The following PHF13 variants were observed in gnomAD, a reference collection of about 807,000 sequenced individuals.
PHF13 encodes PHD finger protein 13.
Under a neutral mutation model 25.8 loss-of-function variants are expected in PHF13, and 1 was observed. The observed-to-expected ratio is 0.04, with a 90% CI of 0.01 to 0.18. The LOEUF (loss-of-function observed/expected upper bound fraction) is 0.18. Ranked by LOEUF, PHF13 falls within the 10% of genes least tolerant of loss-of-function variation. PHF13 has a pLI of 1.00. For synonymous variants in PHF13, 195 were observed against 162.4 expected, an observed-to-expected ratio of 1.20 and a Z score of -1.53; for missense variants, 306 against 403.2, an observed-to-expected ratio of 0.76 and a Z score of 2.06.
In PHF13 at chr1:6,613,754, C is replaced by G. The variant is rs1382064443; in HGVS notation, c.-313C>G. ...CCGCCCTCCCTCCCGAGACACGAGC[C>G]GAACTGGGCGTCAGGTCGGGGAGCC... On this transcript the variant is annotated 5_prime_UTR_variant, in exon 1 of 4. Coordinates refer to ENST00000377648, the MANE Select transcript of PHF13 (RefSeq NM_153812.3). The G allele has an allele frequency of 3.6e-5, 9 of 249,342 alleles. No individual in the cohort carries two copies. In the South Asian group the frequency reaches 4.6e-4, roughly 13 times the overall value. 15.4% of individuals were successfully genotyped at this position (249,342 alleles called of 1,614,324 possible).
rs749801150 is a variant in PHF13, at chr1:6,621,535, T to C, written c.801T>C (p.Asn267=). 2 of 1,614,164 alleles carry C rather than the reference T, an allele frequency of 1.2e-6. No homozygotes were observed. Among genetic ancestry groups the C allele is most frequent in the Admixed American group, 1.7e-5 (1 of 60,030 alleles). The change falls in exon 4 of 4, where the codon AAT becomes AAC. Residue 267 remains asparagine (N), a synonymous_variant. Transcript: ENST00000377648. This position sits in a 1 kb window ranked among gnomAD's most constrained non-coding sequence, Gnocchi z 4.8. ...HLSCAKIRKS[N]VPEVFVCQKC... ...CCTGTGCGAAAATCCGGAAATCCAA[T>C]GTTCCAGAAGTGTTTGTCTGCCAAA...
chr1:6,617,678 C>T (rs1176911640), intron 2 of PHF13, among the ~76,000 whole-genome samples: 5 of 152,150 alleles, frequency 3.3e-5, no homozygotes, highest in East Asian at 1.9e-4. Context: ...CCACCCGCCT[C>T]GGCCTCCCAA....
intron 1 of PHF13, chr1:6,614,410 C>T (rs976382307): frequency 1.1e-5 from 4 of 359,414 alleles, no homozygotes; most frequent in African/African-American, 4.5e-5. Flanking sequence ...CGACCTGGGA[C>T]CTGTCGGCGC....
In PHF13 at chr1:6,614,160, C is replaced by G. The variant is rs146479384; in HGVS notation, c.39+55C>G. ...CCGACCACCCCCTCCGCGATCCTGC[C>G]GTCCTCAGGCAGCCAGACCCCCGGT... is the stretch of plus-strand genomic sequence containing the variant. On this transcript the variant is annotated intron_variant, in intron 1 of 3. Transcript: ENST00000377648. 6.7e-3 allele frequency: 10,441 copies of G among 1,562,340 alleles called. 341 individuals carry two copies. In the African/African-American group the frequency reaches 0.091, roughly 14 times the overall value.
At chr1:6,620,603 C>T (rs973641585) in intron 3 of PHF13, among the ~76,000 whole-genome samples, 1 of 152,116 alleles carries the variant, frequency 6.6e-6, no homozygotes, top group Admixed American at 6.6e-5. Flanking sequence ...GGTAAGCATC[C>T]AGGCCGGGCA....
chr1:6,617,007 C>T (rs1641271396), intron 2 of PHF13, 149 bp downstream of exon 2: 1 of 624,456 alleles, frequency 1.6e-6, no homozygotes, highest in African/African-American at 1.8e-5. Context: ...TGGCAGAAAT[C>T]TGTTTCTTGA....
At chr1:6,617,417 A>G (rs1235161036) in intron 2 of PHF13, among the ~76,000 whole-genome samples, 1 of 149,546 alleles carries the variant, frequency 6.7e-6, no homozygotes, top group East Asian at 2.0e-4. Flanking sequence ...TTACAAATAA[A>G]ATATGTGATA....
Position 6,621,965 on chromosome 1 carries a change from T to C in PHF13, c.*328T>C. The C allele has an allele frequency of 2.5e-6, 1 of 402,984 alleles. No homozygotes were observed. The allele number at this position is 402,984 out of a possible 1,614,324, so 25.0% of individuals were successfully genotyped here. On this transcript the variant is annotated 3_prime_UTR_variant, in exon 4 of 4. Transcript: ENST00000377648. This position sits in a 1 kb window ranked among gnomAD's most constrained non-coding sequence, Gnocchi z 4.8. ...GCTATCATTGCTAAGAGATTCCCGC[T>C]GATTGGGCTCAGTGCCAGCTGTTAT...
intron 2 of PHF13, among the ~76,000 whole-genome samples, chr1:6,617,860 C>T (rs1480447461): frequency 1.3e-5 from 2 of 152,190 alleles, no homozygotes; most frequent in African/African-American, 4.8e-5. Flanking sequence ...GAAACTAAGG[C>T]ATAGAGAGGG....
rs554064003 is a variant in PHF13 at position 6,622,760 on chromosome 1, G to T, written c.*1123G>T. 1.3e-5 allele frequency: 2 copies of T among 152,354 alleles called. No homozygotes were observed. The highest frequency in any genetic ancestry group is 6.5e-5 in the Admixed American group (1 of 15,292). The allele number at this position is 152,354 out of a possible 1,614,324, so 9.4% of individuals were successfully genotyped here. On this transcript the variant is annotated 3_prime_UTR_variant, in exon 4 of 4. Transcript: ENST00000377648. ...CTTCAGGATGACCCCTTGGAACTGTGCCGAGTTCCTTAAATCTCAGCTGGG... is the reference window on the plus strand; with the variant it reads ...CTTCAGGATGACCCCTTGGAACTGTTCCGAGTTCCTTAAATCTCAGCTGGG...
intron 1 of PHF13, among the ~76,000 whole-genome samples, chr1:6,616,172 G>A (rs1033376864): frequency 6.6e-6 from 1 of 151,964 alleles, no homozygotes; most frequent in African/African-American, 2.4e-5. Context: ...GGGACTACAG[G>A]TGCACGCCAC....
Position 6,620,876 on chromosome 1 carries a change from G to A in PHF13, c.677-535G>A, listed in dbSNP as rs539400906. Among the ~76,000 whole-genome samples, 54 of 150,572 alleles carry A rather than the reference G, an allele frequency of 3.6e-4. No homozygotes were observed. In the South Asian group the frequency reaches 4.6e-3, roughly 13 times the overall value. On this transcript the variant is annotated intron_variant, in intron 3 of 3. Coordinates refer to ENST00000377648, the MANE Select transcript of PHF13 (RefSeq NM_153812.3). ...CTACTAAAGATACAAAAAAAAAAAA[G>A]AAAAAATTAGCTGGGCGTGGTGGTG... is the stretch of plus-strand genomic sequence containing the variant.
In PHF13 at chr1:6,613,878, G is replaced by T; in HGVS notation, c.-189G>T. ...GCATCGTCCACTCCGGTCGGCGGTGGAACCGCCAGTCCGGGGTCACAGAGC... is the reference window on the plus strand; with the variant it reads ...GCATCGTCCACTCCGGTCGGCGGTGTAACCGCCAGTCCGGGGTCACAGAGC... On this transcript the variant is annotated 5_prime_UTR_variant, in exon 1 of 4. Coordinates refer to ENST00000377648, the MANE Select transcript of PHF13 (RefSeq NM_153812.3). 1 of 512,454 alleles carries T rather than the reference G, an allele frequency of 2.0e-6. No individual in the cohort carries two copies. Among genetic ancestry groups the T allele is most frequent in the South Asian group, 2.5e-5 (1 of 40,396 alleles). 31.7% of individuals were successfully genotyped at this position (512,454 alleles called of 1,614,324 possible).
At chr1:6,616,631 T>C (rs1268159316) in intron 1 of PHF13, 126 bp from the exon 2 acceptor site, 1 of 744,118 alleles carries the variant, frequency 1.3e-6, no homozygotes, top group African/African-American at 1.7e-5. Context: ...GTTTGTGGAC[T>C]GTGTAAATCT....
At position 6,619,789 on chromosome 1, in the gene PHF13, C is replaced by T. The variant is rs756346351; in HGVS notation, c.142-14C>T. The T allele has an allele frequency of 1.6e-5, 25 of 1,575,204 alleles. No individual in the cohort carries two copies. The highest frequency in any genetic ancestry group is 2.3e-5 in the East Asian group (1 of 44,424). ...GTCACCAGTAACTGGAATCTGCCAC[C>T]TTTGTCTTTTTAGGAACTCCCTTTA... On this transcript the variant is annotated splice_polypyrimidine_tract_variant and intron_variant, in intron 2 of 3. Coordinates refer to ENST00000377648, the MANE Select transcript of PHF13 (RefSeq NM_153812.3).
intron 2 of PHF13, 108 bp from the exon 3 acceptor site, chr1:6,619,695 T>C (rs1641309596): frequency 8.7e-7 from 1 of 1,151,150 alleles, no homozygotes; most frequent in Non-Finnish European, 1.2e-6. Flanking sequence ...AAGCTCAAAG[T>C]TGTGCAGATG....
chr1:6,615,604 C>G (rs1041786356), intron 1 of PHF13, among the ~76,000 whole-genome samples: 6 of 152,192 alleles, frequency 3.9e-5, no homozygotes, highest in Non-Finnish European at 8.8e-5. Flanking sequence ...AACAGCACCT[C>G]GGGAAGGATG....
At chr1:6,618,413 G>A (rs570286345) in intron 2 of PHF13, among the ~76,000 whole-genome samples, 13 of 152,320 alleles carry the variant, frequency 8.5e-5, no homozygotes, top group African/African-American at 2.6e-4. Flanking sequence ...GATTACAGGC[G>A]TGAGCCACTG....
rs1641334871 is a variant in PHF13 at position 6,621,242 on chromosome 1, T to C, written c.677-169T>C. On this transcript the variant is annotated intron_variant, in intron 3 of 3. Transcript: ENST00000377648. The surrounding 1 kb of genome is among the most constrained non-coding windows in gnomAD (Gnocchi z 4.8). ...TAAGCATCTCCTGGGTAATACCTGG[T>C]TCCCACACATTTTGGAGCCCCTCGT... Among the ~76,000 whole-genome samples the C allele has an allele frequency of 6.6e-6, 1 of 151,336 alleles. No homozygotes were observed. Among genetic ancestry groups the C allele is most frequent in the Non-Finnish European group, 1.5e-5 (1 of 67,870 alleles).
Sources: gnomAD v4.1 joint callset for allele counts (sites outside exome capture counted in the v4.1 genomes callset) on GRCh38, gnomAD v4.1.1 for gene constraint, Gnocchi (gnomAD v3.1) non-coding constraint, MANE v1.5 for transcripts, NCBI Gene and HGNC (gene_info 2026-07-23, HGNC 2026-07-21) for gene names.